The following SLC35D4 variants were observed in gnomAD, a reference collection of about 807,000 sequenced individuals.
The protein encoded by SLC35D4 is UDP-N-acetylglucosamine transporter SLC35D4.
At chr18:23,435,799 G>A in the SLC35D4 span, among the ~76,000 whole-genome samples, 2 of 152,342 alleles carry the variant, frequency 1.3e-5, no homozygotes, top group East Asian at 3.9e-4. Flanking sequence ...TGGCTCAGGA[G>A]ATTCTCATGC....
chr18:23,249,832 G>A, the SLC35D4 span, among the ~76,000 whole-genome samples: 2 of 152,116 alleles, frequency 1.3e-5, no homozygotes, highest in African/African-American at 2.4e-5. Flanking sequence ...GAGCTACTCT[G>A]TGCTGCTTAT....
chr18:23,240,881 AC>A, the SLC35D4 span, among the ~76,000 whole-genome samples: 6,993 of 152,220 alleles, frequency 0.046, 567 homozygotes, highest in Admixed American at 0.21. Flanking sequence ...TAATCCTTTC[AC>A]CCATCAAATC....
At chr18:23,406,803 T>A in the SLC35D4 span, among the ~76,000 whole-genome samples, 1 of 152,102 alleles carries the variant, frequency 6.6e-6, no homozygotes, top group Admixed American at 6.6e-5. Flanking sequence ...GTCTAAAGTT[T>A]TTCTTTTCTT....
chr18:23,402,367 T>C, the SLC35D4 span, among the ~76,000 whole-genome samples: 4 of 152,162 alleles, frequency 2.6e-5, no homozygotes, highest in South Asian at 4.1e-4. Context: ...TGGAAAATCA[T>C]AGAGTATATG....
the SLC35D4 span, among the ~76,000 whole-genome samples, chr18:23,336,887 G>A: frequency 6.6e-6 from 1 of 152,142 alleles, no homozygotes; most frequent in East Asian, 1.9e-4. Flanking sequence ...AATAACAGCA[G>A]TAATAGAATA....
At chr18:23,253,083 T>G in the SLC35D4 span, 1 of 1,471,284 alleles carries the variant, frequency 6.8e-7, no homozygotes, top group East Asian at 2.3e-5. Context: ...GAGGCTGGAC[T>G]TGCCTGTGAC....
At chr18:23,361,120 A>AAAAAAG in the SLC35D4 span, among the ~76,000 whole-genome samples, 26 of 138,328 alleles carry the variant, frequency 1.9e-4, no homozygotes, top group African/African-American at 4.1e-4. Context: ...AAAAAAAAAA[A>AAAAAAG]AAAAAGAAAA....
the SLC35D4 span, among the ~76,000 whole-genome samples, chr18:23,249,319 G>A: frequency 6.6e-6 from 1 of 152,258 alleles, no homozygotes; most frequent in Non-Finnish European, 1.5e-5. Flanking sequence ...TAATAGAGTA[G>A]AATGGAGGCG....
the SLC35D4 span, among the ~76,000 whole-genome samples, chr18:23,390,486 G>C: frequency 6.6e-6 from 1 of 152,284 alleles, no homozygotes; most frequent in East Asian, 1.9e-4. Flanking sequence ...TTTATTCCTA[G>C]AATCCATTAG....
the SLC35D4 span, chr18:23,356,767 G>A: frequency 1.1e-6 from 1 of 949,034 alleles, no homozygotes. The surrounding 1 kb of genome is among the most constrained non-coding windows in gnomAD (Gnocchi z 4.1). Flanking sequence ...GCAGTCCTGT[G>A]CTTTCAGTCC....
the SLC35D4 span, among the ~76,000 whole-genome samples, chr18:23,422,576 C>G: frequency 1.1e-3 from 171 of 152,272 alleles, 1 homozygote; most frequent in Non-Finnish European, 1.9e-3. Flanking sequence ...AACTGGTCCC[C>G]CTCTCTCCAA....
At chr18:23,277,181 T>C in the SLC35D4 span, among the ~76,000 whole-genome samples, 4 of 152,216 alleles carry the variant, frequency 2.6e-5, no homozygotes, top group African/African-American at 4.8e-5. Flanking sequence ...TCTTGAATTG[T>C]ACTGGCATAA....
At chr18:23,269,569 G>A in the SLC35D4 span, among the ~76,000 whole-genome samples, 1 of 152,202 alleles carries the variant, frequency 6.6e-6, no homozygotes, top group Non-Finnish European at 1.5e-5. Flanking sequence ...AAGCAATTTT[G>A]GAACTGGGTA....
At chr18:23,240,369 C>T in the SLC35D4 span, among the ~76,000 whole-genome samples, 1 of 152,140 alleles carries the variant, frequency 6.6e-6, no homozygotes, top group South Asian at 2.1e-4. Flanking sequence ...TACACACACA[C>T]AGGCAGGAGG....
At chr18:23,382,992 G>A in the SLC35D4 span, among the ~76,000 whole-genome samples, 1 of 152,230 alleles carries the variant, frequency 6.6e-6, no homozygotes. Context: ...ATGTGGTGGG[G>A]AGGGGATACT....
chr18:23,321,628 T>C, the SLC35D4 span, among the ~76,000 whole-genome samples: 1 of 152,132 alleles, frequency 6.6e-6, no homozygotes, highest in African/African-American at 2.4e-5. Context: ...CTAATTTTTG[T>C]ATATTTTGTA....
At chr18:23,304,979 C>T in the SLC35D4 span, among the ~76,000 whole-genome samples, 3 of 152,234 alleles carry the variant, frequency 2.0e-5, no homozygotes, top group Non-Finnish European at 4.4e-5. Context: ...AATGAATTAG[C>T]TTTCTGATTT....
At chr18:23,429,377 A>G in the SLC35D4 span, among the ~76,000 whole-genome samples, 1 of 151,450 alleles carries the variant, frequency 6.6e-6, no homozygotes, top group Non-Finnish European at 1.5e-5. Flanking sequence ...TTTTTTTTAG[A>G]CGGATTTTCA....
At chr18:23,383,154 G>A in the SLC35D4 span, among the ~76,000 whole-genome samples, 3 of 152,110 alleles carry the variant, frequency 2.0e-5, no homozygotes, top group Non-Finnish European at 4.4e-5. Context: ...GGCTCTGCAG[G>A]GGAGCTGAGC....
Sources: allele counts gnomAD v4.1 joint callset (sites outside exome capture counted in the v4.1 genomes callset), GRCh38; gene constraint gnomAD v4.1.1; non-coding constraint Gnocchi (gnomAD v3.1); transcripts MANE v1.5; gene names NCBI Gene and HGNC (gene_info 2026-07-23, HGNC 2026-07-21).